DDX42: variants seen among roughly 807,000 people sequenced by gnomAD.
DDX42 encodes the protein DEAD-box helicase 42, also known as ATP-dependent RNA helicase DDX42.
Under a neutral mutation model 101.5 loss-of-function variants are expected in DDX42, and 22 were observed. That is an observed-to-expected ratio of 0.22 (90% CI 0.15 to 0.31). DDX42 has a LOEUF of 0.31. Among genes scored for constraint, DDX42 ranks in the 10% least tolerant of loss-of-function variants. DDX42 has a pLI of 1.00. For synonymous variants in DDX42, 402 were observed against 401.2 expected (o/e 1.00, Z -0.02); for missense variants, 849 against 1,199.9 (o/e 0.71, Z 4.32).
chr17:63,788,788 T>C (rs2039582673), intron 2 of DDX42, among the ~76,000 whole-genome samples: 1 of 152,248 alleles, frequency 6.6e-6, no homozygotes, highest in Non-Finnish European at 1.5e-5. Flanking sequence ...TTCTAATTTC[T>C]ATACAAAATA....
At chr17:63,812,424 A>G (rs947003816) in intron 14 of DDX42, among the ~76,000 whole-genome samples, 1 of 152,174 alleles carries the variant, frequency 6.6e-6, no homozygotes, top group Non-Finnish European at 1.5e-5. Context: ...TCTCTAATCA[A>G]AGAATCCCTG....
intron 3 of DDX42, among the ~76,000 whole-genome samples, chr17:63,797,689 A>G (rs1361826213): frequency 1.6e-4 from 25 of 152,338 alleles, no homozygotes; most frequent in Admixed American, 1.5e-3. Flanking sequence ...GTCTTAAGCT[A>G]TACTTTGAGG....
intron 6 of DDX42, among the ~76,000 whole-genome samples, chr17:63,804,630 T>G (rs917980621): frequency 6.6e-6 from 1 of 152,216 alleles, no homozygotes; most frequent in African/African-American, 2.4e-5. Context: ...AGAGATTCCT[T>G]AGTCTGCTTC....
chr17:63,813,198 A>G lies in DDX42; in HGVS notation c.1676-30A>G, dbSNP rs764731601. 21 of 1,566,616 alleles carry G rather than the reference A, an allele frequency of 1.3e-5. No individual in the cohort carries two copies. In the East Asian group the frequency reaches 4.7e-4, roughly 35 times the overall value. On this transcript the variant is annotated intron_variant, in intron 14 of 17. Transcript: ENST00000389924. ...TTGATCTTCTGACTACAGATGAAGA[A>G]TAAAAGAATTTGGTTGCTTTTTATT...
chr17:63,816,291 A>G (rs1462953468), intron 16 of DDX42, among the ~76,000 whole-genome samples: 3 of 152,228 alleles, frequency 2.0e-5, no homozygotes, highest in Non-Finnish European at 2.9e-5. Flanking sequence ...TTGTAATTAC[A>G]TACTCTGTTC....
At chr17:63,812,327 A>G in intron 14 of DDX42, 119 bp downstream of exon 14, 3 of 1,299,756 alleles carry the variant, frequency 2.3e-6, no homozygotes, top group South Asian at 3.1e-5. Flanking sequence ...CTGGCTGGCC[A>G]TCCCCTCCCA....
intron 3 of DDX42, among the ~76,000 whole-genome samples, chr17:63,795,257 A>G (rs1210073357): frequency 1.3e-5 from 2 of 152,240 alleles, no homozygotes; most frequent in African/African-American, 2.4e-5. Context: ...TAGACAAGGC[A>G]TGCTTTTCCT....
chr17:63,793,877 T>A (rs1012370821), intron 3 of DDX42, among the ~76,000 whole-genome samples: 3 of 68,398 alleles, frequency 4.4e-5, no homozygotes, highest in South Asian at 4.0e-4. Flanking sequence ...TATATATATA[T>A]ATAATTTTTT....
chr17:63,785,991 A>G (rs1040410403), intron 1 of DDX42, among the ~76,000 whole-genome samples: 2 of 152,178 alleles, frequency 1.3e-5, no homozygotes, highest in Non-Finnish European at 2.9e-5. Flanking sequence ...GTCTTTTCAT[A>G]TCTCCAGTGG....
intron 11 of DDX42, 70 bp from the exon 12 acceptor site, chr17:63,810,443 A>C (rs1384409716): frequency 1.3e-6 from 2 of 1,518,828 alleles, no homozygotes; most frequent in East Asian, 4.5e-5. Context: ...ACTTTTACTA[A>C]TATGGCTTTT....
Position 63,792,424 on chromosome 17 carries a change from T to C in DDX42, c.234T>C (p.Asp78=), listed in dbSNP as rs1233799450. The part of the protein sequence containing the change: ...NFDEENAYFE[D]EEEDSSNVDL... ...TTCTAATTCTCAGCTATTTTGAAGA[T>C]GAGGAAGAAGATTCTAGCAACGTTG... Residue 78 remains aspartate (D), a synonymous_variant, in exon 3 of 18, where the codon GAT becomes GAC. Coordinates refer to ENST00000389924, the MANE Select transcript of DDX42 (RefSeq NM_203499.3). 1.2e-6 allele frequency: 2 copies of C among 1,611,570 alleles called. No individual in the cohort carries two copies. The highest frequency in any genetic ancestry group is 1.7e-6 in the Non-Finnish European group (2 of 1,178,978).
At chr17:63,787,564 C>T (rs2039561648) in intron 2 of DDX42, among the ~76,000 whole-genome samples, 1 of 152,160 alleles carries the variant, frequency 6.6e-6, no homozygotes. Flanking sequence ...GGTAGCTGGG[C>T]GTGGTGGCTC....
chr17:63,777,501 G>A (rs980236692), intron 1 of DDX42, among the ~76,000 whole-genome samples: 5 of 149,860 alleles, frequency 3.3e-5, no homozygotes, highest in Admixed American at 1.3e-4. Flanking sequence ...AGGCTGGAGT[G>A]CAGTGGCGCG....
At chr17:63,790,159 CAAAA>C (rs1410248071) in intron 2 of DDX42, among the ~76,000 whole-genome samples, 1 of 151,944 alleles carries the variant, frequency 6.6e-6, no homozygotes. Context: ...AAAAAACAAA[CAAAA>C]AACTAAAAAC....
chr17:63,808,748 G>A (rs2039873330), intron 9 of DDX42, 72 bp from the exon 10 acceptor site: 2 of 1,575,582 alleles, frequency 1.3e-6, no homozygotes, highest in Non-Finnish European at 1.7e-6. Context: ...CTGTTTTTCA[G>A]AACTTCGTTT....
intron 2 of DDX42, among the ~76,000 whole-genome samples, chr17:63,789,326 G>A (rs560664413): frequency 6.6e-6 from 1 of 151,940 alleles, no homozygotes; most frequent in Admixed American, 6.6e-5. Flanking sequence ...TGATCCACCC[G>A]CCTCAGCCTC....
chr17:63,801,069 TC>T lies in DDX42; in HGVS notation c.621+453del, dbSNP rs146056888. 8.9e-3 allele frequency among the ~76,000 whole-genome samples: 1,357 copies of T among 151,804 alleles called. 20 individuals carry two copies. The highest frequency in any genetic ancestry group is 0.031 in the African/African-American group (1,267 of 41,356). ...TTTTATTTTCTTTCTTCTTTTTCTC[TC>T]TCTCTCTGTCTCTCTGTCACCCAGG... On this transcript the variant is annotated intron_variant, in intron 6 of 17. Coordinates refer to ENST00000389924, the MANE Select transcript of DDX42 (RefSeq NM_203499.3).
intron 2 of DDX42, among the ~76,000 whole-genome samples, chr17:63,789,514 G>C (rs2039593073): frequency 7.2e-6 from 1 of 139,394 alleles, no homozygotes; most frequent in African/African-American, 2.7e-5. Flanking sequence ...GCACCCAGCA[G>C]ATGTTAATTG....
chr17:63,816,625 C>T, intron 16 of DDX42: 1 of 349,922 alleles, frequency 2.9e-6, no homozygotes, highest in Non-Finnish European at 5.1e-6. Context: ...CAACTTTGGG[C>T]ATAATCTGAT....
Sources: allele counts gnomAD v4.1 joint callset (sites outside exome capture counted in the v4.1 genomes callset), GRCh38; gene constraint gnomAD v4.1.1; transcripts MANE v1.5; gene names NCBI Gene and HGNC (gene_info 2026-07-23, HGNC 2026-07-21).